The following ADHFE1 variants were observed in gnomAD, a reference collection of about 807,000 sequenced individuals.
ADHFE1 encodes the protein hydroxyacid-oxoacid transhydrogenase, mitochondrial.
A neutral mutation model predicts 54.8 loss-of-function variants in ADHFE1; 37 were observed. That is an observed-to-expected ratio of 0.68 (90% confidence interval 0.52 to 0.89). The LOEUF is 0.89. Among genes scored for constraint, ADHFE1 ranks in the 40% least tolerant of loss-of-function variants. The probability of loss-of-function intolerance (pLI) is 0.00; values close to 1 mark genes in which losing one functional copy is unlikely to be tolerated. For missense variants in ADHFE1, 601 were observed against 591.2 expected (o/e 1.02, Z -0.17); for synonymous variants, 203 against 229.3 (o/e 0.89, Z 1.04).
Position 66,443,526 on chromosome 8 carries a change from C to T in ADHFE1, c.144+682C>T, listed in dbSNP as rs927671309. Among the ~76,000 whole-genome samples, 16 of 152,272 alleles carry T rather than the reference C, an allele frequency of 1.1e-4. No individual in the cohort carries two copies. In the East Asian group the frequency reaches 2.5e-3, roughly 24 times the overall value. ...CTCCTGACCTCAGGTGATCTGACCA[C>T]CTCGGCCTCCCAAAGTGCCAGGATT... On this transcript the variant is annotated intron_variant, in intron 3 of 13. Transcript: ENST00000396623.
At chr8:66,432,625 G>A (rs538840494) in intron 1 of ADHFE1, 50 bp downstream of exon 1, 5 of 1,281,182 alleles carry the variant, frequency 3.9e-6, no homozygotes, top group Non-Finnish European at 4.9e-6. Context: ...TGCCCACGCA[G>A]CCCCCTGGGT....
At chr8:66,433,092 T>C (rs1227165135) in intron 1 of ADHFE1, among the ~76,000 whole-genome samples, 2 of 152,156 alleles carry the variant, frequency 1.3e-5, no homozygotes, top group Non-Finnish European at 2.9e-5. Flanking sequence ...TCACACTTCC[T>C]GGCATGTACA....
At chr8:66,444,275 C>T in intron 3 of ADHFE1, 92 bp from the exon 4 acceptor site, 2 of 1,196,598 alleles carry the variant, frequency 1.7e-6, no homozygotes. Flanking sequence ...ATACTTTATG[C>T]TCTAGGCAAC....
At chr8:66,438,849 G>C (rs540268401) in intron 1 of ADHFE1, among the ~76,000 whole-genome samples, 2 of 136,168 alleles carry the variant, frequency 1.5e-5, no homozygotes, top group South Asian at 5.0e-4. Context: ...AATTGAGATA[G>C]CCTCAGAGCT....
intron 2 of ADHFE1, 119 bp downstream of exon 2, chr8:66,440,318 C>T: frequency 1.1e-6 from 1 of 901,756 alleles, no homozygotes; most frequent in Non-Finnish European, 1.8e-6. Flanking sequence ...TCCATGAAAA[C>T]AGTTACCATT....
Position 66,448,889 on chromosome 8 carries a change from C to G in ADHFE1, c.653C>G (p.Pro218Arg). Residue 218 changes from proline to arginine, a missense_variant, in exon 8 of 14, where the codon CCC becomes CGC. By Grantham distance (103) the Pro-to-Arg change is moderately radical (BLOSUM62 -2). Transcript: ENST00000396623. ...GGCATCACTTCGAGAGCCATCAAAC[C>G]CACACTGGGACTGATTGATCCTCTG... Reference protein sequence around the residue: ...KIGITSRAIKPTLGLIDPLHT... With the variant: ...KIGITSRAIKRTLGLIDPLHT... 1 of 1,614,112 alleles carries G rather than the reference C, an allele frequency of 6.2e-7. No homozygotes were observed. Among genetic ancestry groups the G allele is most frequent in the Non-Finnish European group, 8.5e-7 (1 of 1,180,028 alleles).
chr8:66,465,851 G>A lies in ADHFE1; in HGVS notation c.1321-2418G>A, dbSNP rs553550517. On this transcript the variant is annotated intron_variant, in intron 13 of 13. Transcript: ENST00000396623. ...TTGACCTCATGATCCACCCGCCTCG[G>A]CCTCCCAAAGTGCTGGGATTACAGG... is the stretch of plus-strand genomic sequence containing the variant. Among the ~76,000 whole-genome samples the A allele has an allele frequency of 2.1e-4, 32 of 152,118 alleles. 2 individuals carry two copies. The highest frequency in any genetic ancestry group is 7.7e-4 in the African/African-American group (32 of 41,492).
chr8:66,445,413 A>G lies in ADHFE1; in HGVS notation c.549A>G (p.Ala183=), dbSNP rs1281412612. The change falls in exon 6 of 14, where the codon GCA becomes GCG. Residue 183 remains alanine (A), a splice_region_variant and synonymous_variant. Transcript: ENST00000396623. The part of the protein sequence containing the change: ...PVSVPLKPLI[A]VPTTSGTGSE... ...CTGTGCCTCTTAAGCCTCTGATTGC[A>G]GGTAAAGACTGTTTATTTCTTTGTT... 1.3e-6 allele frequency: 2 copies of G among 1,597,444 alleles called. No individual in the cohort carries two copies. Among genetic ancestry groups the G allele is most frequent in the East Asian group, 2.2e-5 (1 of 44,702 alleles).
At chr8:66,451,888 A>T (rs556600376) in intron 8 of ADHFE1, 65 bp from the exon 9 acceptor site, 1 of 1,573,774 alleles carries the variant, frequency 6.4e-7, no homozygotes, top group African/African-American at 1.3e-5. Context: ...ACAGGTTGTG[A>T]TCTAAATGGA....
intron 12 of ADHFE1, 109 bp downstream of exon 12, chr8:66,457,275 T>G: frequency 1.1e-6 from 1 of 950,564 alleles, no homozygotes; most frequent in Non-Finnish European, 1.6e-6. Flanking sequence ...GCCCAGGAGT[T>G]CAAGACCAGC....
At chr8:66,464,517 C>T (rs1586493478) in intron 13 of ADHFE1, among the ~76,000 whole-genome samples, 1 of 152,298 alleles carries the variant, frequency 6.6e-6, no homozygotes, top group East Asian at 1.9e-4. Flanking sequence ...CCTGCACAAA[C>T]ACATACATAA....
chr8:66,449,728 T>C (rs2130415376), intron 8 of ADHFE1, among the ~76,000 whole-genome samples: 1 of 152,372 alleles, frequency 6.6e-6, no homozygotes. Context: ...TATGTGCACA[T>C]GCACATTTTT....
At chr8:66,440,656 G>T (rs376946473) in intron 2 of ADHFE1, among the ~76,000 whole-genome samples, 1 of 152,162 alleles carries the variant, frequency 6.6e-6, no homozygotes, top group Non-Finnish European at 1.5e-5. Flanking sequence ...AAATAATATT[G>T]TATTTCCTAA....
intron 2 of ADHFE1, among the ~76,000 whole-genome samples, chr8:66,440,565 G>C (rs1805697152): frequency 6.6e-6 from 1 of 152,138 alleles, no homozygotes; most frequent in African/African-American, 2.4e-5. Context: ...AAAACTGGAG[G>C]CTAAAGAACA....
At chr8:66,455,879 G>A (rs1405208220) in intron 10 of ADHFE1, among the ~76,000 whole-genome samples, 1 of 152,204 alleles carries the variant, frequency 6.6e-6, no homozygotes, top group Admixed American at 6.5e-5. Flanking sequence ...GGTCAAGGCA[G>A]CAGTGAGCCA....
In ADHFE1 at chr8:66,445,231, A is replaced by G. The variant is rs111371011; in HGVS notation, c.367A>G (p.Ile123Val). ...CTCTTCTCCAAGCTTCATGGAAGCT[A>G]TTGAGTTTGCCCAAAAGGGAGCTTT... ...EPTDSSFMEA[I>V]EFAQKGAFDA... The change falls in exon 6 of 14, where the codon ATT (isoleucine) becomes GTT (valine). Residue 123 changes from isoleucine to valine, a missense_variant. Transcript: ENST00000396623. 6.8e-6 allele frequency: 11 copies of G among 1,606,306 alleles called. No homozygotes were observed. Among genetic ancestry groups the G allele is most frequent in the South Asian group, 1.1e-5 (1 of 89,580 alleles).
At chr8:66,440,084 A>G in intron 1 of ADHFE1, 78 bp from the exon 2 acceptor site, 1 of 1,385,698 alleles carries the variant, frequency 7.2e-7, no homozygotes, top group South Asian at 1.2e-5. Flanking sequence ...CTGCAATGTG[A>G]GTTAGCTTAA....
Position 66,447,326 on chromosome 8 carries a change from T to TTTTTACTA in ADHFE1, c.614_615insTTTACTAT (p.Leu205PhefsTer4). ...GGTTGCCATTTTTGACTATGAACAC[T>TTTTTACTA]TGAAAGTAAAAATTGGTAAGAACCA... On this transcript the variant is annotated frameshift_variant, in exon 7 of 14. Transcript: ENST00000396623. LOFTEE classifies it high-confidence loss of function. 6.2e-7 allele frequency: 1 copy of TTTTTACTA among 1,613,356 alleles called. No individual in the cohort carries two copies. The highest frequency in any genetic ancestry group is 1.7e-4 in the Middle Eastern group (1 of 6,056).
intron 8 of ADHFE1, among the ~76,000 whole-genome samples, chr8:66,449,187 G>C (rs183625732): frequency 3.9e-4 from 60 of 152,326 alleles, no homozygotes; most frequent in African/African-American, 1.3e-3. Context: ...CTTCAGGATG[G>C]ATCCCCCCCA....
Sources: allele counts gnomAD v4.1 joint callset (sites outside exome capture counted in the v4.1 genomes callset), GRCh38; gene constraint gnomAD v4.1.1; transcripts MANE v1.5; gene names NCBI Gene and HGNC (gene_info 2026-07-23, HGNC 2026-07-21).